CPQ: variants seen among roughly 807,000 people sequenced by gnomAD.
The protein encoded by CPQ is carboxypeptidase Q.
Under a neutral mutation model 45.7 loss-of-function variants are expected in CPQ, and 37 were observed. The ratio of observed to expected loss-of-function variants is 0.81; its 90% confidence interval spans 0.62 to 1.07. The LOEUF (loss-of-function observed/expected upper bound fraction) is 1.07. Among genes scored for constraint, CPQ ranks in the 50% least tolerant of loss-of-function variants. The pLI is 0.00. For synonymous variants in CPQ, 186 were observed against 205.8 expected, an observed-to-expected ratio of 0.90 and a Z score of 0.82; for missense variants, 537 against 572.9, an observed-to-expected ratio of 0.94 and a Z score of 0.64.
At chr8:97,123,866 C>G (rs1359869077) in intron 7 of CPQ, among the ~76,000 whole-genome samples, 1 of 152,034 alleles carries the variant, frequency 6.6e-6, no homozygotes, top group Non-Finnish European at 1.5e-5. Flanking sequence ...CATAATTGTA[C>G]TATCTGAAAA....
chr8:96,785,313 T>C lies in CPQ; in HGVS notation c.416T>C (p.Ile139Thr), dbSNP rs751928165. The C allele has an allele frequency of 4.0e-5, 65 of 1,607,022 alleles. No individual in the cohort carries two copies. In the Middle Eastern group the frequency reaches 6.6e-4, roughly 16 times the overall value. The change falls in exon 2 of 8, where the codon ATT becomes ACT. Residue 139 changes from isoleucine (I) to threonine (T), a missense_variant. Transcript: ENST00000220763. ...KIAILGLGSS[I>T]GTPPEGITAE... ...GCCATCCTGGGTCTTGGCAGCAGCA[T>C]TGGGACTCCTCCAGAAGGTATTGTT...
chr8:96,972,174 G>A (rs1370428622), intron 5 of CPQ, among the ~76,000 whole-genome samples: 1 of 152,230 alleles, frequency 6.6e-6, no homozygotes, highest in Non-Finnish European at 1.5e-5. Context: ...CACTGTGGGA[G>A]TGAGACCGGC....
At chr8:96,678,431 C>G (rs1809103748) in intron 1 of CPQ, among the ~76,000 whole-genome samples, 1 of 151,904 alleles carries the variant, frequency 6.6e-6, no homozygotes, top group Admixed American at 6.6e-5. Context: ...GATAAACACC[C>G]AATAGTGGGA....
chr8:96,741,649 C>G (rs201332950), intron 1 of CPQ, among the ~76,000 whole-genome samples: 1 of 151,964 alleles, frequency 6.6e-6, no homozygotes, highest in Non-Finnish European at 1.5e-5. Flanking sequence ...GCTTTGGATG[C>G]GTCCCAGAGA....
chr8:96,797,704 G>A (rs1017524332), intron 2 of CPQ, among the ~76,000 whole-genome samples: 3 of 151,738 alleles, frequency 2.0e-5, no homozygotes, highest in Non-Finnish European at 2.9e-5. Context: ...ATCACCTGAG[G>A]TTAGGAGTTT....
chr8:96,957,350 A>C (rs1021432201), intron 4 of CPQ, among the ~76,000 whole-genome samples: 5 of 152,170 alleles, frequency 3.3e-5, no homozygotes, highest in African/African-American at 1.2e-4. Context: ...GAATTTTAGA[A>C]ACCATTAGGG....
At chr8:97,112,203 C>T (rs1811510012) in intron 7 of CPQ, among the ~76,000 whole-genome samples, 2 of 147,054 alleles carry the variant, frequency 1.4e-5, no homozygotes, top group Non-Finnish European at 3.0e-5. Context: ...AATTAGAAGT[C>T]CAACAACAGA....
At chr8:97,031,040 G>A (rs1371281005) in intron 6 of CPQ, among the ~76,000 whole-genome samples, 1 of 152,106 alleles carries the variant, frequency 6.6e-6, no homozygotes, top group Non-Finnish European at 1.5e-5. Context: ...ACGTAAACAA[G>A]AGCCTGAACA....
chr8:97,058,102 C>T (rs1810484907), intron 6 of CPQ, among the ~76,000 whole-genome samples: 1 of 152,074 alleles, frequency 6.6e-6, no homozygotes, highest in African/African-American at 2.4e-5. Flanking sequence ...TATGGGGATA[C>T]TGTCACAATC....
intron 7 of CPQ, among the ~76,000 whole-genome samples, chr8:97,124,078 T>G (rs547059491): frequency 6.6e-6 from 1 of 151,532 alleles, no homozygotes; most frequent in Non-Finnish European, 1.5e-5. Context: ...AAACAAAAAT[T>G]AGATGGACTT....
At chr8:96,790,269 C>T (rs1340912482) in intron 2 of CPQ, among the ~76,000 whole-genome samples, 1 of 152,114 alleles carries the variant, frequency 6.6e-6, no homozygotes, top group Non-Finnish European at 1.5e-5. Flanking sequence ...AGTGGCACCT[C>T]CCAGTGTCAC....
intron 5 of CPQ, among the ~76,000 whole-genome samples, chr8:96,993,016 T>C (rs1476950183): frequency 6.6e-6 from 1 of 152,206 alleles, no homozygotes; most frequent in Non-Finnish European, 1.5e-5. Flanking sequence ...CTCTGCCACC[T>C]GCACTGACAA....
At chr8:96,955,482 C>T (rs1813341919) in intron 4 of CPQ, among the ~76,000 whole-genome samples, 1 of 152,128 alleles carries the variant, frequency 6.6e-6, no homozygotes, top group South Asian at 2.1e-4. Flanking sequence ...CCATCCCCAT[C>T]AAGCTACCAA....
intron 2 of CPQ, among the ~76,000 whole-genome samples, chr8:96,818,249 C>G (rs1362958383): frequency 6.6e-6 from 1 of 151,864 alleles, no homozygotes; most frequent in Non-Finnish European, 1.5e-5. Flanking sequence ...GCTCCATCAA[C>G]CTTCCGGACA....
intron 7 of CPQ, among the ~76,000 whole-genome samples, chr8:97,109,124 C>T (rs1018738360): frequency 1.3e-5 from 2 of 152,186 alleles, no homozygotes; most frequent in African/African-American, 4.8e-5. Flanking sequence ...GACTTCCAGA[C>T]CCTTGACCCT....
chr8:96,703,914 A>T (rs1809500364), intron 1 of CPQ, among the ~76,000 whole-genome samples: 1 of 152,176 alleles, frequency 6.6e-6, no homozygotes, highest in Non-Finnish European at 1.5e-5. Flanking sequence ...TCATCTATTC[A>T]ACAAATATTT....
intron 3 of CPQ, among the ~76,000 whole-genome samples, chr8:96,840,375 A>G (rs1476688574): frequency 5.3e-5 from 8 of 152,158 alleles, no homozygotes. Context: ...ATGGAGAACC[A>G]TGGAATGTGT....
intron 1 of CPQ, among the ~76,000 whole-genome samples, chr8:96,670,905 G>A (rs1467915434): frequency 1.3e-5 from 2 of 151,998 alleles, no homozygotes; most frequent in Non-Finnish European, 2.9e-5. Flanking sequence ...ATGCGTGGGT[G>A]TAGCTGTAAA....
At chr8:97,055,501 A>G (rs1335174163) in intron 6 of CPQ, 1 of 152,220 alleles carries the variant, frequency 6.6e-6, no homozygotes, top group Non-Finnish European at 1.5e-5. Flanking sequence ...CTCCCTGACC[A>G]AGATCATTTC....
Sources: gnomAD v4.1 joint callset for allele counts (sites outside exome capture counted in the v4.1 genomes callset) on GRCh38, gnomAD v4.1.1 for gene constraint, MANE v1.5 for transcripts, NCBI Gene and HGNC (gene_info 2026-07-23, HGNC 2026-07-21) for gene names.